Variants in MAMDC4 observed in about 807,000 individuals in gnomAD.
MAMDC4 encodes the protein apical endosomal glycoprotein.
Under a neutral mutation model 153.3 loss-of-function variants are expected in MAMDC4, and 168 were observed. That is an observed-to-expected ratio of 1.10 (90% CI 0.97 to 1.25). MAMDC4 has a LOEUF of 1.25. Ranked by LOEUF, MAMDC4 falls within the 50% of genes most tolerant of loss-of-function variation. MAMDC4 has a pLI of 0.00. For missense variants in MAMDC4, 1,701 were observed against 1,542.8 expected (o/e 1.10, Z -1.72); for synonymous variants, 744 against 651.5 (o/e 1.14, Z -2.16).
chr9:136,856,766 G>C lies in MAMDC4; in HGVS notation c.1777G>C (p.Asp593His). 6.2e-7 allele frequency: 1 copy of C among 1,612,218 alleles called. No individual in the cohort carries two copies. The highest frequency in any genetic ancestry group is 8.5e-7 in the Non-Finnish European group (1 of 1,179,670). ...CAGCTGGTACCCAGGCCACCTCTCA[G>C]ACACACACTGGCGCTGGGTGGAGAG... ...TCSWYPGHLS[D>H]THWRWVESRG... The change falls in exon 15 of 27, where the codon GAC (aspartate) becomes CAC (histidine). Residue 593 changes from aspartate to histidine, a missense_variant. By Grantham distance (81) the Asp-to-His change is moderately conservative. Coordinates refer to ENST00000317446, the MANE Select transcript of MAMDC4 (RefSeq NM_206920.3).
chr9:136,855,026 C>T lies in MAMDC4; in HGVS notation c.1113C>T (p.Pro371=), dbSNP rs553420992. 24 of 1,604,680 alleles carry T rather than the reference C, an allele frequency of 1.5e-5. No individual in the cohort carries two copies. Among genetic ancestry groups the T allele is most frequent in the Middle Eastern group, 2.1e-4 (1 of 4,752 alleles). Residue 371 remains proline, a synonymous_variant, in exon 10 of 27, where the codon CCC becomes CCT. Coordinates refer to ENST00000317446, the MANE Select transcript of MAMDC4 (RefSeq NM_206920.3). ...QTLGPGAPRA[P]VLLRRRRGEL... ...TGGGGCCCGGCGCCCCCCGGGCCCC[C>T]GTCCTGCTGCGGAGGCGCCGAGGGG...
chr9:136,852,547 G>A (rs979921860), intron 1 of MAMDC4, 85 bp downstream of exon 1: 1 of 1,493,954 alleles, frequency 6.7e-7, no homozygotes, highest in African/African-American at 1.4e-5. Context: ...ACGGACACCA[G>A]GGCTGATGCC....
At position 136,858,282 on chromosome 9, in the gene MAMDC4, A is replaced by C; in HGVS notation, c.2674+6A>C. 6.2e-7 allele frequency: 1 copy of C among 1,600,944 alleles called. No homozygotes were observed. Among genetic ancestry groups the C allele is most frequent in the Non-Finnish European group, 8.5e-7 (1 of 1,179,172 alleles). Reference sequence around the variant, plus strand: ...CGGGCCCTGCCCTCAGCCAGGTGGGAGCCCTGCCGTGGCCTCGGCCCTGCT... The same window carrying C: ...CGGGCCCTGCCCTCAGCCAGGTGGGCGCCCTGCCGTGGCCTCGGCCCTGCT... On this transcript the variant is annotated splice_donor_region_variant and intron_variant, in intron 21 of 26. Coordinates refer to ENST00000317446, the MANE Select transcript of MAMDC4 (RefSeq NM_206920.3).
intron 26 of MAMDC4, 110 bp downstream of exon 26, chr9:136,860,174 A>G: frequency 3.1e-6 from 4 of 1,272,056 alleles, no homozygotes; most frequent in Non-Finnish European, 4.3e-6. Flanking sequence ...CACCTGTGCA[A>G]GGCCCATCCT....
intron 6 of MAMDC4, 56 bp downstream of exon 6, chr9:136,854,132 C>T: frequency 1.9e-6 from 3 of 1,610,182 alleles, no homozygotes; most frequent in Middle Eastern, 1.7e-4. Context: ...CTGCCCACTC[C>T]CCTGCTCAGA....
Position 136,855,264 on chromosome 9 carries a change from C to G in MAMDC4, c.1208C>G (p.Ala403Gly). 6.3e-7 allele frequency: 1 copy of G among 1,596,940 alleles called. No individual in the cohort carries two copies. Among genetic ancestry groups the G allele is most frequent in the Non-Finnish European group, 8.5e-7 (1 of 1,171,590 alleles). ...QSAYPFQILLAGQTGPGGVVG... is the reference protein window; with the variant it reads ...QSAYPFQILLGGQTGPGGVVG... ...CCCCTCTGCCCTCAGATCCTCCTGG[C>G]CGGGCAGACAGGCCCGGGGGGCGTC... The change falls in exon 11 of 27, where the codon GCC becomes GGC. Residue 403 changes from alanine to glycine, a missense_variant. Transcript: ENST00000317446.
Position 136,858,055 on chromosome 9 carries a change from G to T in MAMDC4, c.2541G>T (p.Trp847Cys). The change falls in exon 20 of 27, where the codon TGG (tryptophan) becomes TGT (cysteine). Residue 847 changes from tryptophan (W) to cysteine (C), a missense_variant. By Grantham distance (215) the Trp-to-Cys change is radical. Coordinates refer to ENST00000317446, the MANE Select transcript of MAMDC4 (RefSeq NM_206920.3). The part of the protein sequence containing the change: ...LSLSAHGGLA[W>C]RLGSMDVQAE... ...TCAGTGCCCACGGCGGGCTTGCCTG[G>T]CGCCTGGGCAGCATGGACGTGCAGG... is the stretch of plus-strand genomic sequence containing the variant. The T allele has an allele frequency of 6.5e-7, 1 of 1,528,948 alleles. No individual in the cohort carries two copies. The allele number at this position is 1,528,948 out of a possible 1,614,324, so 94.7% of individuals were successfully genotyped here.
chr9:136,856,498 C>T (rs1849006335), intron 14 of MAMDC4: 1 of 787,220 alleles, frequency 1.3e-6, no homozygotes, highest in African/African-American at 1.7e-5. Context: ...TTGGATGGCC[C>T]TGACCAGCAG....
rs1311158203 is a variant in MAMDC4, at chr9:136,855,111, G to A, written c.1197+1G>A. On this transcript the variant is annotated splice_donor_variant, in intron 10 of 26. Transcript: ENST00000317446. LOFTEE classifies it high-confidence loss of function. ...CATCCAGAGCGCCTACCCCTTCCAG[G>A]TAGGGAACAGCAAGAGGGTGGGGTC... 3 of 1,570,650 alleles carry A rather than the reference G, an allele frequency of 1.9e-6. No individual in the cohort carries two copies. Among genetic ancestry groups the A allele is most frequent in the Admixed American group, 3.8e-5 (2 of 52,826 alleles).
In MAMDC4 at chr9:136,857,729, G is replaced by A; in HGVS notation, c.2397G>A (p.Lys799=). Residue 799 remains lysine, a synonymous_variant, in exon 19 of 27, where the codon AAG becomes AAA. Transcript: ENST00000317446. ...PRGQTASLTS[K]EHRPLAQPAC... is the part of the protein sequence containing the mutation. ...GCCAGACGGCCTCCCTGACCTCCAAGGAGCACAGGCCCCTGGCCCAGCCTG... is the reference window on the plus strand; with the variant it reads ...GCCAGACGGCCTCCCTGACCTCCAAAGAGCACAGGCCCCTGGCCCAGCCTG... The A allele has an allele frequency of 3.1e-6, 5 of 1,612,668 alleles. No homozygotes were observed. In the African/African-American group the frequency reaches 4.0e-5, roughly 13 times the overall value.
rs754108436 is a variant in MAMDC4 at position 136,854,084 on chromosome 9, A to ACCG, written c.670+11_670+13dup. 3.1e-6 allele frequency: 5 copies of ACCG among 1,612,354 alleles called. No homozygotes were observed. Among genetic ancestry groups the ACCG allele is most frequent in the Non-Finnish European group, 4.2e-6 (5 of 1,179,736 alleles). On this transcript the variant is annotated intron_variant, in intron 6 of 26. Transcript: ENST00000317446. ...GGGACTGTGGTCTGCCCAGTAAGGC[A>ACCG]CCGCCTCTTCCTGTTCCACCCCCGG...
rs771986078 is a variant in MAMDC4, at chr9:136,857,758, G to A, written c.2426G>A (p.Cys809Tyr). Reference protein sequence around the residue: ...KEHRPLAQPACLTFWYHGSLR... With the variant: ...KEHRPLAQPAYLTFWYHGSLR... The stretch of plus-strand genomic sequence containing the variant: ...CACAGGCCCCTGGCCCAGCCTGCTT[G>A]TCTGACCTTCTGGTACCACGGGAGC... Residue 809 changes from cysteine to tyrosine, a missense_variant, in exon 19 of 27, where the codon TGT becomes TAT. Cys to Tyr is a radical substitution (Grantham distance 194). Coordinates refer to ENST00000317446, the MANE Select transcript of MAMDC4 (RefSeq NM_206920.3). The A allele has an allele frequency of 6.2e-7, 1 of 1,612,672 alleles. No individual in the cohort carries two copies.
chr9:136,857,435 G>A lies in MAMDC4; in HGVS notation c.2175G>A (p.Pro725=), dbSNP rs139519920. The part of the protein sequence containing the change: ...TMALDDVAVR[P]GPCWAPNYCS... ...CGCTGGACGATGTGGCCGTGCGGCC[G>A]GGCCCCTGCTGGGCCCCTAATTACT... The change falls in exon 18 of 27, where the codon CCG becomes CCA. Residue 725 remains proline (P), a synonymous_variant. Coordinates refer to ENST00000317446, the MANE Select transcript of MAMDC4 (RefSeq NM_206920.3). 1.2e-5 allele frequency: 19 copies of A among 1,608,176 alleles called. No individual in the cohort carries two copies. Among genetic ancestry groups the A allele is most frequent in the East Asian group, 4.5e-5 (2 of 44,876 alleles).
intron 6 of MAMDC4, 44 bp from the exon 7 acceptor site, chr9:136,854,167 C>G: frequency 6.2e-7 from 1 of 1,611,704 alleles, no homozygotes. Flanking sequence ...GAGTGCTCTC[C>G]CACTCCTGGG....
Position 136,857,217 on chromosome 9 carries a change from G to A in MAMDC4, c.2025G>A (p.Ser675=), listed in dbSNP as rs1372326347. ...AAGGGGAGGAGACACACCTGTGGTCGCGGTCAGGCACCCAGGGCAACCGCT... is the reference window on the plus strand; with the variant it reads ...AAGGGGAGGAGACACACCTGTGGTCACGGTCAGGCACCCAGGGCAACCGCT... ...RREGEETHLW[S]RSGTQGNRWH... The change falls in exon 17 of 27, where the codon TCG becomes TCA. Residue 675 remains serine (S), a synonymous_variant. Coordinates refer to ENST00000317446, the MANE Select transcript of MAMDC4 (RefSeq NM_206920.3). 18 of 1,611,276 alleles carry A rather than the reference G, an allele frequency of 1.1e-5. No individual in the cohort carries two copies. Among genetic ancestry groups the A allele is most frequent in the African/African-American group, 6.7e-5 (5 of 74,914 alleles).
chr9:136,856,113 C>T lies in MAMDC4; in HGVS notation c.1684C>T (p.Leu562Phe). The T allele has an allele frequency of 6.2e-7, 1 of 1,612,496 alleles. No individual in the cohort carries two copies. The highest frequency in any genetic ancestry group is 8.5e-7 in the Non-Finnish European group (1 of 1,179,904). Residue 562 changes from leucine to phenylalanine, a missense_variant, in exon 14 of 27, where the codon CTC (leucine) becomes TTC (phenylalanine). Transcript: ENST00000317446. Reference sequence around the variant, plus strand: ...TGGCCCTTCTGGCCCCAGCTGTGAACTCCACCTGGCTTATTATTTACAGAG... The same window carrying T: ...TGGCCCTTCTGGCCCCAGCTGTGAATTCCACCTGGCTTATTATTTACAGAG... The part of the protein sequence containing the change: ...LLGPSGPSCE[L>F]HLAYYLQSQP...
At position 136,853,817 on chromosome 9, in the gene MAMDC4, G is replaced by GC. The variant is rs1474624190; in HGVS notation, c.495_496insC (p.Thr166HisfsTer28). 2.5e-6 allele frequency: 4 copies of GC among 1,612,180 alleles called. No individual in the cohort carries two copies. ...GGGTGGAGCTGACCCATGGCGCAGAGACCCTGACCCTGTGGCAGAGCACAG... is the reference window on the plus strand; with the variant it reads ...GGGTGGAGCTGACCCATGGCGCAGAGCACCCTGACCCTGTGGCAGAGCACAG... On this transcript the variant is annotated frameshift_variant, in exon 5 of 27. Transcript: ENST00000317446. LOFTEE classifies it high-confidence loss of function.
At chr9:136,860,159 GC>G in intron 26 of MAMDC4, 95 bp downstream of exon 26, 2 of 1,360,836 alleles carry the variant, frequency 1.5e-6, no homozygotes, top group Non-Finnish European at 2.0e-6. Flanking sequence ...CCGGGGAGGA[GC>G]CCCCACCTGT....
In MAMDC4 at chr9:136,854,649, C is replaced by G. The variant is rs557616454; in HGVS notation, c.907C>G (p.Arg303Gly). The part of the protein sequence containing the change: ...GGPERPSWPR[R>G]DHSRNSAQGS... ...TCCTGAGCGCCCCTCCTGGCCACGC[C>G]GTGACCACAGCCGGAACAGTGCACA... is the stretch of plus-strand genomic sequence containing the variant. Residue 303 changes from arginine (R) to glycine (G), a missense_variant, in exon 8 of 27, where the codon CGT (arginine) becomes GGT (glycine). Arg to Gly is a moderately radical substitution (Grantham distance 125). Coordinates refer to ENST00000317446, the MANE Select transcript of MAMDC4 (RefSeq NM_206920.3). 1 of 1,609,682 alleles carries G rather than the reference C, an allele frequency of 6.2e-7. No homozygotes were observed. Among genetic ancestry groups the G allele is most frequent in the Admixed American group, 1.7e-5 (1 of 59,658 alleles).
Sources: allele counts gnomAD v4.1 joint callset, GRCh38; gene constraint gnomAD v4.1.1; transcripts MANE v1.5; gene names NCBI Gene and HGNC (gene_info 2026-07-23, HGNC 2026-07-21).